The following DNAJA1 variants were observed in gnomAD, a reference collection of about 807,000 sequenced individuals.
DNAJA1 encodes dnaJ homolog subfamily A member 1.
A neutral mutation model predicts 47.6 loss-of-function variants in DNAJA1; 26 were observed. The observed-to-expected ratio is 0.55, with a 90% CI of 0.40 to 0.76. DNAJA1 has a LOEUF of 0.76. Among genes scored for constraint, DNAJA1 ranks in the 30% least tolerant of loss-of-function variants. The pLI is 0.00. For missense variants in DNAJA1, 315 were observed against 485.0 expected (o/e 0.65, Z 3.29); for synonymous variants, 165 against 158.4 (o/e 1.04, Z -0.31).
rs117077463 is a variant in DNAJA1, at chr9:33,034,725, G to A, written c.758+395G>A. ...ATAAATATCCAAAAGCATCTCTGTA[G>A]GAAACTTAAATTGTAACTCAATACT... On this transcript the variant is annotated intron_variant, in intron 6 of 8. Transcript: ENST00000330899. Among the ~76,000 whole-genome samples the A allele has an allele frequency of 1.1e-4, 16 of 152,218 alleles. No individual in the cohort carries two copies. In the East Asian group the frequency reaches 2.9e-3, roughly 28 times the overall value.
At chr9:33,035,400 A>T (rs1483984901) in intron 6 of DNAJA1, among the ~76,000 whole-genome samples, 1 of 150,876 alleles carries the variant, frequency 6.6e-6, no homozygotes, top group African/African-American at 2.4e-5. Context: ...GTCTGAAGAT[A>T]ATGGGAAATG....
At chr9:33,037,252 C>T in intron 8 of DNAJA1, 137 bp downstream of exon 8, 1 of 605,436 alleles carries the variant, frequency 1.7e-6, no homozygotes, top group Non-Finnish European at 2.8e-6. Context: ...CAGGAGGATC[C>T]CTTGAGCCCT....
At chr9:33,025,595 C>T (rs1036689608) in intron 1 of DNAJA1, among the ~76,000 whole-genome samples, 6 of 152,182 alleles carry the variant, frequency 3.9e-5, no homozygotes, top group Non-Finnish European at 5.9e-5. Flanking sequence ...CTTTCCTAGA[C>T]CTCCCTCCTT....
At chr9:33,030,734 A>G in intron 5 of DNAJA1, 67 bp downstream of exon 5, 3 of 1,334,964 alleles carry the variant, frequency 2.2e-6, no homozygotes, top group Non-Finnish European at 3.1e-6. Context: ...ACATTTTATA[A>G]TTGTTTAAAA....
intron 1 of DNAJA1, 92 bp from the exon 2 acceptor site, chr9:33,026,383 G>A: frequency 1.4e-6 from 2 of 1,397,110 alleles, no homozygotes; most frequent in Non-Finnish European, 1.9e-6. Flanking sequence ...TCTTATAATC[G>A]GATTTTGCAA....
chr9:33,036,729 C>G, intron 7 of DNAJA1, 40 bp downstream of exon 7: 2 of 1,447,852 alleles, frequency 1.4e-6, no homozygotes, highest in Non-Finnish European at 1.9e-6. Context: ...CTTTTCTATT[C>G]TAGTATTTTC....
At chr9:33,037,259 C>T in intron 8 of DNAJA1, 144 bp downstream of exon 8, 1 of 576,930 alleles carries the variant, frequency 1.7e-6, no homozygotes, top group South Asian at 2.4e-5. Context: ...ATCCCTTGAG[C>T]CCTGGAGTTT....
intron 1 of DNAJA1, among the ~76,000 whole-genome samples, chr9:33,025,632 ACTGTCTT>A (rs1015747509): frequency 9.3e-5 from 14 of 151,138 alleles, no homozygotes; most frequent in African/African-American, 3.4e-4. Context: ...CCAAGGAGCT[ACTGTCTT>A]CGGCTGCCCC....
At chr9:33,030,067 CTAGA>C (rs2119383016) in intron 4 of DNAJA1, 78 bp downstream of exon 4, 3 of 1,335,570 alleles carry the variant, frequency 2.2e-6, no homozygotes, top group Non-Finnish European at 2.1e-6. Context: ...GCTAAGACTT[CTAGA>C]TAGATATGTA....
intron 3 of DNAJA1, among the ~76,000 whole-genome samples, chr9:33,029,286 A>G (rs1838924470): frequency 6.6e-6 from 1 of 152,350 alleles, no homozygotes; most frequent in South Asian, 2.1e-4. Flanking sequence ...GGGCAATGCT[A>G]TTATAAAAGG....
At chr9:33,028,322 C>T (rs1587696684) in intron 3 of DNAJA1, among the ~76,000 whole-genome samples, 1 of 152,102 alleles carries the variant, frequency 6.6e-6, no homozygotes, top group East Asian at 1.9e-4. Context: ...GGAAAGTGGC[C>T]TATGGGCTCT....
chr9:33,030,411 A>G, intron 4 of DNAJA1, 29 bp from the exon 5 acceptor site: 1 of 1,582,030 alleles, frequency 6.3e-7, no homozygotes, highest in Non-Finnish European at 8.6e-7. Flanking sequence ...ACTAATTCAT[A>G]CATTATTTAA....
At chr9:33,034,928 A>T (rs952245570) in intron 6 of DNAJA1, among the ~76,000 whole-genome samples, 2 of 151,906 alleles carry the variant, frequency 1.3e-5, no homozygotes, top group Non-Finnish European at 2.9e-5. Context: ...ACTTGAGGCC[A>T]GGAGTCCTAG....
chr9:33,030,952 T>C (rs984331970), intron 5 of DNAJA1, among the ~76,000 whole-genome samples: 39 of 152,238 alleles, frequency 2.6e-4, no homozygotes, highest in Admixed American at 2.4e-3. Flanking sequence ...CCAAACTTAA[T>C]TCTCTCCTGT....
At chr9:33,036,826 A>G in intron 7 of DNAJA1, 137 bp downstream of exon 7, 1 of 794,994 alleles carries the variant, frequency 1.3e-6, no homozygotes. Context: ...CTCTGGGCTT[A>G]GATGAAGTTA....
intron 7 of DNAJA1, among the ~76,000 whole-genome samples, 155 bp from the exon 8 acceptor site, chr9:33,036,860 C>T (rs148596784): frequency 6.6e-6 from 1 of 152,290 alleles, no homozygotes; most frequent in African/African-American, 2.4e-5. Flanking sequence ...CTCTTGTCAG[C>T]CCTTGGAAAA....
chr9:33,026,004 T>A (rs1838829140), intron 1 of DNAJA1, among the ~76,000 whole-genome samples: 1 of 152,196 alleles, frequency 6.6e-6, no homozygotes, highest in African/African-American at 2.4e-5. Context: ...GCTTGCTGTG[T>A]GGAGCCAGTA....
Position 33,038,685 on chromosome 9 carries a change from G to A in DNAJA1, c.976G>A (p.Val326Ile). ...TGAACAGTGAAAGTTTCTTTTGAAG[G>A]TAAACTTTCCTGAGAATGGCTTTCT... ...EKGRLIIEFK[V>I]NFPENGFLSP... The change falls in exon 9 of 9, where the codon GTA becomes ATA. Residue 326 changes from valine to isoleucine, a missense_variant and splice_region_variant. By Grantham distance (29) the Val-to-Ile change is conservative. Transcript: ENST00000330899. 1.2e-6 allele frequency: 2 copies of A among 1,613,186 alleles called. No homozygotes were observed. The highest frequency in any genetic ancestry group is 1.7e-6 in the Non-Finnish European group (2 of 1,179,468).
At position 33,038,676 on chromosome 9, in the gene DNAJA1, C is replaced by T; in HGVS notation, c.976-9C>T. ...AAATCAGATTGAACAGTGAAAGTTT[C>T]TTTTGAAGGTAAACTTTCCTGAGAA... On this transcript the variant is annotated splice_polypyrimidine_tract_variant and intron_variant, in intron 8 of 8. Coordinates refer to ENST00000330899, the MANE Select transcript of DNAJA1 (RefSeq NM_001539.4). 6.2e-7 allele frequency: 1 copy of T among 1,611,714 alleles called. No individual in the cohort carries two copies. The highest frequency in any genetic ancestry group is 8.5e-7 in the Non-Finnish European group (1 of 1,178,456).
Sources: gnomAD v4.1 joint callset for allele counts (sites outside exome capture counted in the v4.1 genomes callset) on GRCh38, gnomAD v4.1.1 for gene constraint, MANE v1.5 for transcripts, NCBI Gene and HGNC (gene_info 2026-07-23, HGNC 2026-07-21) for gene names.